NIPAL2: variants seen among roughly 807,000 people sequenced by gnomAD.
The protein encoded by NIPAL2 is NIPA-like protein 2.
A neutral mutation model predicts 48.9 loss-of-function variants in NIPAL2; 43 were observed. The ratio of observed to expected loss-of-function variants is 0.88; its 90% CI spans 0.69 to 1.13. The LOEUF is 1.13. Ranked by LOEUF, NIPAL2 falls within the 50% of genes most tolerant of loss-of-function variation. NIPAL2 has a pLI of 0.00. For synonymous variants in NIPAL2, 167 were observed against 174.6 expected, an observed-to-expected ratio of 0.96 and a Z score of 0.34; for missense variants, 446 against 461.4, an observed-to-expected ratio of 0.97 and a Z score of 0.31.
At chr8:98,283,892 C>T (rs775593259) in intron 1 of NIPAL2, among the ~76,000 whole-genome samples, 2 of 152,206 alleles carry the variant, frequency 1.3e-5, no homozygotes, top group Non-Finnish European at 1.5e-5. Flanking sequence ...GCCACTCACT[C>T]ACTGATCTCT....
Position 98,263,116 on chromosome 8 carries a change from C to T in NIPAL2, c.136-9029G>A, listed in dbSNP as rs1466697619. Among the ~76,000 whole-genome samples the T allele has an allele frequency of 4.8e-5, 7 of 144,748 alleles. No homozygotes were observed. In the South Asian group the frequency reaches 7.5e-4, roughly 15 times the overall value. 95.0% of individuals were successfully genotyped at this position (144,748 alleles called of 152,430 possible). ...ACACAACATACCAGAATCTCTGGGA[C>T]GCATTCAAAGCAGTGTGTAGAGGGA... On this transcript the variant is annotated intron_variant, in intron 1 of 10. Coordinates refer to ENST00000430223, the MANE Select transcript of NIPAL2 (RefSeq NM_001321635.2).
intron 9 of NIPAL2, 84 bp from the exon 10 acceptor site, chr8:98,194,906 A>T: frequency 2.8e-6 from 2 of 723,570 alleles, no homozygotes; most frequent in South Asian, 6.6e-5. Context: ...ATTCTACATG[A>T]TGACATAAAT....
chr8:98,199,249 C>A (rs1810697909), intron 8 of NIPAL2, among the ~76,000 whole-genome samples: 1 of 152,156 alleles, frequency 6.6e-6, no homozygotes, highest in Non-Finnish European at 1.5e-5. Flanking sequence ...AGACACTGCA[C>A]CCGGCCCAAA....
At chr8:98,242,571 C>T (rs900038826) in intron 3 of NIPAL2, among the ~76,000 whole-genome samples, 10 of 150,338 alleles carry the variant, frequency 6.7e-5, no homozygotes, top group South Asian at 2.1e-4. Flanking sequence ...CTGCAACTTC[C>T]GCTTCCCAAG....
chr8:98,259,579 G>A lies in NIPAL2; in HGVS notation c.136-5492C>T, dbSNP rs1586423671. 3.3e-5 allele frequency among the ~76,000 whole-genome samples: 5 copies of A among 152,284 alleles called. No homozygotes were observed. The South Asian group carries it at 1.0e-3, about 32-fold the overall frequency. On this transcript the variant is annotated intron_variant, in intron 1 of 10. Coordinates refer to ENST00000430223, the MANE Select transcript of NIPAL2 (RefSeq NM_001321635.2). ...GCCAGGTAGTCTTGTACCTCCACCT[G>A]TTAGGAAAAACAGTCTATTTCCCTA...
intron 5 of NIPAL2, among the ~76,000 whole-genome samples, chr8:98,221,151 T>C (rs1383616774): frequency 1.3e-5 from 2 of 151,906 alleles, no homozygotes; most frequent in Non-Finnish European, 2.9e-5. Context: ...AATTTTTGTA[T>C]TTTTAGTAGA....
At chr8:98,284,065 C>A (rs1282923672) in intron 1 of NIPAL2, among the ~76,000 whole-genome samples, 1 of 152,170 alleles carries the variant, frequency 6.6e-6, no homozygotes. Context: ...TCCTCATCCC[C>A]AAGCCCACTA....
chr8:98,239,022 C>T (rs1192312970), intron 3 of NIPAL2, among the ~76,000 whole-genome samples: 3 of 152,042 alleles, frequency 2.0e-5, no homozygotes, highest in Non-Finnish European at 4.4e-5. Context: ...AGTAGGAGAT[C>T]GATTAGCAAT....
At chr8:98,207,936 T>G (rs1263051751) in intron 6 of NIPAL2, among the ~76,000 whole-genome samples, 1 of 152,230 alleles carries the variant, frequency 6.6e-6, no homozygotes, top group Non-Finnish European at 1.5e-5. Flanking sequence ...GTATCCATTT[T>G]TTTTTTAACT....
rs373263397 is a variant in NIPAL2 at position 98,201,722 on chromosome 8, T to C, written c.880+1386A>G. Among the ~76,000 whole-genome samples the C allele has an allele frequency of 9.6e-4, 146 of 152,322 alleles. 2 individuals are homozygous for C. In the South Asian group the frequency reaches 0.03, roughly 31 times the overall value. On this transcript the variant is annotated intron_variant, in intron 8 of 10. Coordinates refer to ENST00000430223, the MANE Select transcript of NIPAL2 (RefSeq NM_001321635.2). Reference sequence around the variant, plus strand: ...CCTTTTCCAATAATTCTAAGACACATCAATATGCAATCTTTTCTTAATTTA... The same window carrying C: ...CCTTTTCCAATAATTCTAAGACACACCAATATGCAATCTTTTCTTAATTTA...
chr8:98,256,355 A>G (rs890237446), intron 1 of NIPAL2, among the ~76,000 whole-genome samples: 2 of 152,170 alleles, frequency 1.3e-5, no homozygotes, highest in Non-Finnish European at 2.9e-5. Flanking sequence ...AACACACACT[A>G]TCAACAGAGT....
intron 4 of NIPAL2, among the ~76,000 whole-genome samples, chr8:98,233,673 G>C (rs1812558271): frequency 6.6e-6 from 1 of 152,082 alleles, no homozygotes; most frequent in Non-Finnish European, 1.5e-5. Flanking sequence ...ATTGCTTCTG[G>C]TAATGTTTGG....
At chr8:98,212,339 C>T in intron 6 of NIPAL2, 66 bp downstream of exon 6, 1 of 860,318 alleles carries the variant, frequency 1.2e-6, no homozygotes. Flanking sequence ...AAGTATTTTC[C>T]TTCAAACCTC....
intron 4 of NIPAL2, among the ~76,000 whole-genome samples, chr8:98,232,879 T>C (rs1014006153): frequency 6.6e-6 from 1 of 152,240 alleles, no homozygotes; most frequent in Non-Finnish European, 1.5e-5. Flanking sequence ...GGATTGTTCC[T>C]ACATTCAAAT....
At chr8:98,218,490 C>A (rs905893452) in intron 5 of NIPAL2, among the ~76,000 whole-genome samples, 1 of 151,896 alleles carries the variant, frequency 6.6e-6, no homozygotes, top group East Asian at 1.9e-4. Flanking sequence ...GTTGGGAAGC[C>A]CAATCTTAAA....
chr8:98,214,166 T>C (rs1432313671), intron 5 of NIPAL2, among the ~76,000 whole-genome samples: 1 of 124,674 alleles, frequency 8.0e-6, no homozygotes, highest in East Asian at 2.4e-4. Context: ...TGTTTTAACA[T>C]CTTTTTTTTT....
intron 1 of NIPAL2, among the ~76,000 whole-genome samples, chr8:98,287,155 A>G (rs2130915862): frequency 6.6e-6 from 1 of 152,340 alleles, no homozygotes; most frequent in East Asian, 1.9e-4. Flanking sequence ...TGTTAACACT[A>G]AATGAGCTTT....
Position 98,212,549 on chromosome 8 carries a change from T to C in NIPAL2, c.559-48A>G, listed in dbSNP as rs775654065. 10 of 944,468 alleles carry C rather than the reference T, an allele frequency of 1.1e-5. No individual in the cohort carries two copies. In the African/African-American group the frequency reaches 1.6e-4, roughly 15 times the overall value. The allele number at this position is 944,468 out of a possible 1,614,324, so 58.5% of individuals were successfully genotyped here. The stretch of plus-strand genomic sequence containing the variant: ...AGAGTAAGTTATTCTATGCAAAGTC[T>C]TCAAAATGTCACACTTCTCATTTTG... On this transcript the variant is annotated intron_variant, in intron 5 of 10. Coordinates refer to ENST00000430223, the MANE Select transcript of NIPAL2 (RefSeq NM_001321635.2).
At chr8:98,247,339 G>A (rs1275042804) in intron 3 of NIPAL2, among the ~76,000 whole-genome samples, 1 of 152,168 alleles carries the variant, frequency 6.6e-6, no homozygotes, top group African/African-American at 2.4e-5. Flanking sequence ...GTCAAGCAAC[G>A]AGACACACAG....
Sources: gnomAD v4.1 joint callset for allele counts (sites outside exome capture counted in the v4.1 genomes callset) on GRCh38, gnomAD v4.1.1 for gene constraint, MANE v1.5 for transcripts, NCBI Gene and HGNC (gene_info 2026-07-23, HGNC 2026-07-21) for gene names.